The following C2CD3 variants were observed in gnomAD, a reference collection of about 807,000 sequenced individuals.
C2CD3 encodes the protein C2 domain-containing protein 3.
C2CD3 carries 148 observed loss-of-function variants against 234.0 expected under a neutral mutation model. The observed-to-expected ratio is 0.63, with a 90% CI of 0.55 to 0.72. The LOEUF (loss-of-function observed/expected upper bound fraction) is 0.72. Ranked by LOEUF, C2CD3 falls within the 30% of genes least tolerant of loss-of-function variation. The pLI, the probability that C2CD3 is intolerant of heterozygous loss-of-function variation, is 0.00. For missense variants in C2CD3, 2,577 were observed against 2,811.5 expected (o/e 0.92, Z 1.89); for synonymous variants, 1,000 against 1,035.4 (o/e 0.97, Z 0.66).
chr11:74,111,959 C>G, intron 11 of C2CD3, among the ~76,000 whole-genome samples: 1 of 134,858 alleles, frequency 7.4e-6, no homozygotes, highest in Admixed American at 7.0e-5. Context: ...CACACACACA[C>G]ACACACACAC....
intron 2 of C2CD3, among the ~76,000 whole-genome samples, chr11:74,162,605 G>A (rs1396971149): frequency 6.6e-6 from 1 of 152,076 alleles, no homozygotes; most frequent in African/African-American, 2.4e-5. Context: ...GGGGGTAGAG[G>A]AGTATGAACC....
chr11:74,082,342 C>A (rs1027771570), intron 22 of C2CD3, among the ~76,000 whole-genome samples: 2 of 152,054 alleles, frequency 1.3e-5, no homozygotes, highest in African/African-American at 4.8e-5. Context: ...GTCTCAATCT[C>A]CTGACCTTGT....
intron 26 of C2CD3, among the ~76,000 whole-genome samples, chr11:74,052,004 T>TA (rs980539710): frequency 1.3e-5 from 2 of 152,148 alleles, no homozygotes; most frequent in Non-Finnish European, 1.5e-5. Context: ...AATTTTTTTG[T>TA]AAAAAATCAG....
intron 31 of C2CD3, among the ~76,000 whole-genome samples, chr11:74,029,208 C>T (rs571122468): frequency 6.6e-6 from 1 of 152,196 alleles, no homozygotes; most frequent in Non-Finnish European, 1.5e-5. Context: ...TTTAGTTGAA[C>T]TCTGAAGGGG....
intron 7 of C2CD3, 55 bp from the exon 8 acceptor site, chr11:74,123,190 T>C (rs1957278944): frequency 7.5e-7 from 1 of 1,340,800 alleles, no homozygotes; most frequent in South Asian, 1.2e-5. Context: ...TCAGCTGAAC[T>C]ATTCTCTCTT....
rs1954932890 is a variant in C2CD3, at chr11:74,074,358, T to C, written c.4846A>G (p.Ser1616Gly). 8.7e-6 allele frequency: 14 copies of C among 1,614,226 alleles called. No homozygotes were observed. The highest frequency in any genetic ancestry group is 1.2e-5 in the Non-Finnish European group (14 of 1,180,032). ...SPASTQVPCS[S>G]TTAEVRLTQE... is the part of the protein sequence containing the mutation. ...GTCAGGCGGACTTCAGCTGTGGTGCTGCTGCAGGGGACCTGGGTGGAGGCA... is the reference window on the plus strand; with the variant it reads ...GTCAGGCGGACTTCAGCTGTGGTGCCGCTGCAGGGGACCTGGGTGGAGGCA... Residue 1616 changes from serine to glycine, a missense_variant, in exon 24 of 33, where the codon AGC becomes GGC. Physicochemically the swap from Ser to Gly is moderately conservative, Grantham distance 56. Coordinates refer to ENST00000334126, the MANE Select transcript of C2CD3 (RefSeq NM_001286577.2).
intron 3 of C2CD3, among the ~76,000 whole-genome samples, chr11:74,144,155 G>C (rs926391940): frequency 2.6e-5 from 4 of 152,166 alleles, no homozygotes; most frequent in African/African-American, 9.7e-5. Flanking sequence ...AAAGAAAAAA[G>C]CATATTTCTT....
At chr11:74,101,243 A>G (rs1024084317) in intron 14 of C2CD3, among the ~76,000 whole-genome samples, 7 of 152,244 alleles carry the variant, frequency 4.6e-5, no homozygotes, top group Admixed American at 1.3e-4. Flanking sequence ...GTTGAAAAAG[A>G]CAGGTCACAA....
chr11:74,144,655 C>T (rs537745278), intron 3 of C2CD3, among the ~76,000 whole-genome samples: 2 of 152,224 alleles, frequency 1.3e-5, no homozygotes, highest in African/African-American at 4.8e-5. Context: ...TATTTCTGTT[C>T]TTCTGTTCTC....
chr11:74,139,204 A>G (rs1421685103), intron 4 of C2CD3, among the ~76,000 whole-genome samples: 1 of 152,198 alleles, frequency 6.6e-6, no homozygotes, highest in Non-Finnish European at 1.5e-5. Context: ...TAAAACGAAG[A>G]GCTCAGCAGA....
intron 9 of C2CD3, among the ~76,000 whole-genome samples, chr11:74,117,913 C>CAA (rs1262165951): frequency 9.1e-5 from 6 of 65,964 alleles, no homozygotes; most frequent in Non-Finnish European, 1.3e-4. Flanking sequence ...AACTCCGTCT[C>CAA]AAAAAAAAAA....
At chr11:74,045,226 C>G (rs888580022) in intron 28 of C2CD3, among the ~76,000 whole-genome samples, 1 of 152,182 alleles carries the variant, frequency 6.6e-6, no homozygotes, top group African/African-American at 2.4e-5. Context: ...TAGTTGACCA[C>G]AGACACATGG....
chr11:74,123,035 G>A lies in C2CD3; in HGVS notation c.1318C>T (p.Pro440Ser). ...DVYCISELND[P>S]QYDQSLLENL... ...TCCAGAAGACTCTGGTCATACTGAG[G>A]GTCATTCAGCTCACTGATGCAATAC... The change falls in exon 8 of 33, where the codon CCT becomes TCT. Residue 440 changes from proline (P) to serine (S), a missense_variant. Pro to Ser is a moderately conservative substitution (Grantham distance 74). Transcript: ENST00000334126. 1 of 1,613,268 alleles carries A rather than the reference G, an allele frequency of 6.2e-7. No homozygotes were observed.
chr11:74,130,899 G>A (rs1364037310), intron 7 of C2CD3, among the ~76,000 whole-genome samples: 9 of 152,036 alleles, frequency 5.9e-5, no homozygotes, highest in East Asian at 1.9e-4. Context: ...CTGATATTGT[G>A]TTGAAAGATA....
At chr11:74,106,299 T>G in intron 13 of C2CD3, 72 bp downstream of exon 13, 1 of 1,491,756 alleles carries the variant, frequency 6.7e-7, no homozygotes, top group Admixed American at 1.8e-5. Flanking sequence ...TGTTCACTGC[T>G]ATATCCTCAG....
At chr11:74,159,651 A>T (rs1856307865) in intron 3 of C2CD3, among the ~76,000 whole-genome samples, 1 of 136,952 alleles carries the variant, frequency 7.3e-6, no homozygotes, top group East Asian at 2.1e-4. Flanking sequence ...ACAAAAGTCA[A>T]AAAGTTAAAA....
intron 2 of C2CD3, among the ~76,000 whole-genome samples, 155 bp from the exon 3 acceptor site, chr11:74,161,711 T>C (rs1856484053): frequency 6.6e-6 from 1 of 152,104 alleles, no homozygotes; most frequent in African/African-American, 2.4e-5. Context: ...GTGAGGGGAA[T>C]TAGGTACTTT....
At chr11:74,072,764 G>A (rs1012967336) in intron 24 of C2CD3, among the ~76,000 whole-genome samples, 3 of 151,984 alleles carry the variant, frequency 2.0e-5, no homozygotes, top group Non-Finnish European at 4.4e-5. Flanking sequence ...GGCTTAGCAT[G>A]TAGCAAATAC....
intron 8 of C2CD3, 39 bp downstream of exon 8, chr11:74,122,949 T>A (rs1957268839): frequency 6.5e-7 from 1 of 1,549,682 alleles, no homozygotes; most frequent in Non-Finnish European, 8.9e-7. Flanking sequence ...TTAATACATT[T>A]GTTCTCTAAT....
Sources: allele counts gnomAD v4.1 joint callset (sites outside exome capture counted in the v4.1 genomes callset), GRCh38; gene constraint gnomAD v4.1.1; transcripts MANE v1.5; gene names NCBI Gene and HGNC (gene_info 2026-07-23, HGNC 2026-07-21).